Variants in NEU3 observed in about 807,000 individuals in gnomAD.
NEU3 encodes sialidase-3.
In NEU3, 10 loss-of-function variants were observed where a neutral mutation model predicts 11.4. That is an observed-to-expected ratio of 0.88 (90% confidence interval 0.54 to 1.49). The LOEUF is 1.49. Ranked by LOEUF, NEU3 falls within the 40% of genes most tolerant of loss-of-function variation. The pLI is 0.00. For synonymous variants in NEU3, 212 were observed against 228.2 expected (o/e 0.93, Z 0.64); for missense variants, 529 against 581.8 (o/e 0.91, Z 0.93).
At chr11:74,987,177 T>TA (rs551277067), upstream of NEU3, among the ~76,000 whole-genome samples, 199 of 152,342 alleles carry the variant, frequency 1.3e-3, no homozygotes, top group Admixed American at 3.0e-3. Flanking sequence ...ATCAACTATT[T>TA]AGTTACCCAG....
chr11:75,002,577 A>G (rs576266117), intron 2 of NEU3, among the ~76,000 whole-genome samples: 262 of 152,368 alleles, frequency 1.7e-3, no homozygotes, highest in Non-Finnish European at 3.2e-3. Flanking sequence ...ATGTGAAGTG[A>G]TAACATATAC....
intron 2 of NEU3, among the ~76,000 whole-genome samples, chr11:75,001,274 CTTTTTT>C (rs1282736676): frequency 7.2e-6 from 1 of 139,438 alleles, no homozygotes; most frequent in Admixed American, 7.1e-5. Context: ...TTTTCTTTTT[CTTTTTT>C]TTTTCTTTTT....
At chr11:74,987,972 C>G (rs1948688052), upstream of NEU3, among the ~76,000 whole-genome samples, 1 of 133,816 alleles carries the variant, frequency 7.5e-6, no homozygotes, top group South Asian at 2.3e-4. Context: ...TTCAAAGAAC[C>G]CTCATCATTT....
chr11:74,980,981 C>A, the NEU3 span, among the ~76,000 whole-genome samples: 6 of 152,276 alleles, frequency 3.9e-5, no homozygotes, highest in East Asian at 3.9e-4. Flanking sequence ...TGGGCAGAAA[C>A]CAGGTGAATT....
intron 2 of NEU3, among the ~76,000 whole-genome samples, chr11:74,998,881 ACTTGGGATT>A (rs1948817308): frequency 6.6e-6 from 1 of 152,218 alleles, no homozygotes; most frequent in Admixed American, 6.5e-5. Flanking sequence ...GCCCAGTAGT[ACTTGGGATT>A]CTAGCTCTTT....
chr11:74,987,901 T>TC (rs200890437), upstream of NEU3, among the ~76,000 whole-genome samples: 50 of 143,916 alleles, frequency 3.5e-4, no homozygotes, highest in Non-Finnish European at 4.6e-4. Flanking sequence ...TTTTTTTCTT[T>TC]TTTTTTTTTT....
upstream of NEU3, among the ~76,000 whole-genome samples, chr11:74,987,654 A>T (rs1168562160): frequency 3.9e-5 from 6 of 152,022 alleles, no homozygotes; most frequent in Non-Finnish European, 8.8e-5. Context: ...TCTATAAAAA[A>T]TACAAAAAAT....
At position 75,006,554 on chromosome 11, in the gene NEU3, A is replaced by G. The variant is rs761203622; in HGVS notation, c.*62A>G. 1.5e-4 allele frequency: 219 copies of G among 1,506,954 alleles called. No homozygotes were observed. Among genetic ancestry groups the G allele is most frequent in the Non-Finnish European group, 1.8e-4 (206 of 1,125,198 alleles). The allele number at this position is 1,506,954 out of a possible 1,614,324, so 93.3% of individuals were successfully genotyped here. A position where few individuals can be genotyped will look rare whatever the true frequency, so the allele number is the denominator to read the frequency against. ...AGTTACAGACAGGTTAACAGAAGCT[A>G]CTGAAGTCTACAGATAATCAAAAAA... On this transcript the variant is annotated 3_prime_UTR_variant, in exon 3 of 3. Transcript: ENST00000294064.
intron 2 of NEU3, among the ~76,000 whole-genome samples, chr11:74,999,956 C>A (rs1316121857): frequency 6.6e-6 from 1 of 152,114 alleles, no homozygotes; most frequent in Non-Finnish European, 1.5e-5. Flanking sequence ...TGGTTTCTGG[C>A]CCCTTGAAAA....
intron 2 of NEU3, among the ~76,000 whole-genome samples, chr11:75,003,353 C>G (rs1175545749): frequency 1.3e-5 from 2 of 152,170 alleles, no homozygotes; most frequent in Non-Finnish European, 2.9e-5. Flanking sequence ...GAAAAAGGGA[C>G]CAGCCAACCT....
chr11:75,020,468 C>T (rs537508040), downstream of NEU3, among the ~76,000 whole-genome samples: 20 of 152,260 alleles, frequency 1.3e-4, no homozygotes, highest in Non-Finnish European at 2.5e-4. Context: ...ATCATAGGGG[C>T]AGGTCTTTCC....
chr11:75,011,666 A>G (rs1948956167), downstream of NEU3, among the ~76,000 whole-genome samples: 1 of 152,236 alleles, frequency 6.6e-6, no homozygotes, highest in Non-Finnish European at 1.5e-5. Context: ...TGTGGGAACC[A>G]GTGACCCACC....
chr11:74,985,172 GATAAAGAACCCC>G (rs1438413667), upstream of NEU3, among the ~76,000 whole-genome samples: 4 of 152,156 alleles, frequency 2.6e-5, no homozygotes, highest in Admixed American at 6.6e-5. Flanking sequence ...GGAGAAGTCT[GATAAAGAACCCC>G]AGGACATGAC....
intron 2 of NEU3, among the ~76,000 whole-genome samples, chr11:74,995,601 A>T (rs915832249): frequency 1.1e-4 from 17 of 152,198 alleles, no homozygotes; most frequent in African/African-American, 4.1e-4. Context: ...TTATGTTTAC[A>T]CTATACTGTA....
In NEU3 at chr11:75,006,368, G is replaced by A; in HGVS notation, c.1262G>A (p.Cys421Tyr). ...EEGLFGCLFE[C>Y]GTKQECEQIA... is the part of the protein sequence containing the mutation. ...GGCTTGTTTGGGTGTTTGTTTGAAT[G>A]TGGGACCAAGCAAGAGTGTGAGCAG... The change falls in exon 3 of 3, where the codon TGT becomes TAT. Residue 421 changes from cysteine (C) to tyrosine (Y), a missense_variant. By Grantham distance (194) the Cys-to-Tyr change is radical. Transcript: ENST00000294064. 1 of 1,614,004 alleles carries A rather than the reference G, an allele frequency of 6.2e-7. No homozygotes were observed. The highest frequency in any genetic ancestry group is 8.5e-7 in the Non-Finnish European group (1 of 1,179,902).
chr11:75,017,002 G>A (rs11236289), intron 3 of NEU3, among the ~76,000 whole-genome samples: 38,968 of 152,164 alleles, frequency 0.26, 5,860 homozygotes, highest in East Asian at 0.54. Context: ...TGAAAGTGGA[G>A]AGTGAGGCTC....
upstream of NEU3, among the ~76,000 whole-genome samples, chr11:74,983,393 T>G (rs1948650561): frequency 6.6e-6 from 1 of 152,198 alleles, no homozygotes; most frequent in Non-Finnish European, 1.5e-5. Flanking sequence ...CAGGTTTAGT[T>G]GAAAACTTAG....
At chr11:74,989,614 T>G (rs190297845) in intron 1 of NEU3, among the ~76,000 whole-genome samples, 1 of 152,246 alleles carries the variant, frequency 6.6e-6, no homozygotes, top group Admixed American at 6.5e-5. Context: ...TAAATATTAC[T>G]TGTTAGGAGT....
intron 1 of NEU3, among the ~76,000 whole-genome samples, chr11:74,990,924 C>G (rs1948725014): frequency 6.6e-6 from 1 of 152,196 alleles, no homozygotes; most frequent in African/African-American, 2.4e-5. Context: ...AGGAATAAAA[C>G]TAGAATATAC....
Sources: allele counts gnomAD v4.1 joint callset (sites outside exome capture counted in the v4.1 genomes callset), GRCh38; gene constraint gnomAD v4.1.1; transcripts MANE v1.5; gene names NCBI Gene and HGNC (gene_info 2026-07-23, HGNC 2026-07-21).